The following PPP2R2B variants were observed in gnomAD, a reference collection of about 807,000 sequenced individuals.
PPP2R2B encodes the protein serine/threonine-protein phosphatase 2A 55 kDa regulatory subunit B beta isoform.
A neutral mutation model predicts 46.0 loss-of-function variants in PPP2R2B; 5 were observed. The observed-to-expected ratio is 0.11, with a 90% confidence interval of 0.06 to 0.23. PPP2R2B has a LOEUF of 0.23. Ranked by LOEUF, PPP2R2B falls within the 10% of genes least tolerant of loss-of-function variation. The pLI is 1.00. For missense variants in PPP2R2B, 367 were observed against 575.0 expected (o/e 0.64, Z 3.70); for synonymous variants, 215 against 206.7 (o/e 1.04, Z -0.34).
intron 1 of PPP2R2B, among the ~76,000 whole-genome samples, chr5:147,015,423 T>C (rs1192984632): frequency 6.6e-6 from 1 of 151,666 alleles, no homozygotes; most frequent in Non-Finnish European, 1.5e-5. Context: ...TGCTTTGCTT[T>C]GTGCGTGCTG....
chr5:146,638,423 AG>A lies in PPP2R2B; in HGVS notation c.626-9del. ...GCTTAATGTCCACAATATCTGGCAC[AG>A]ACGAGTCAAGGAAGGAACCAGGAGA... On this transcript the variant is annotated splice_polypyrimidine_tract_variant and intron_variant, in intron 6 of 9. Coordinates refer to ENST00000394411, the MANE Select transcript of PPP2R2B (RefSeq NM_181675.4). 2.5e-6 allele frequency: 4 copies of A among 1,583,286 alleles called. No homozygotes were observed. Among genetic ancestry groups the A allele is most frequent in the Non-Finnish European group, 3.5e-6 (4 of 1,157,242 alleles).
chr5:146,623,738 G>A (rs535301790), intron 7 of PPP2R2B, among the ~76,000 whole-genome samples: 113 of 152,250 alleles, frequency 7.4e-4, no homozygotes, highest in South Asian at 2.1e-3. Context: ...TATGAGCTTC[G>A]TGGGGATAGC....
chr5:146,629,118 T>C (rs1774251359), intron 7 of PPP2R2B, among the ~76,000 whole-genome samples: 1 of 152,178 alleles, frequency 6.6e-6, no homozygotes, highest in African/African-American at 2.4e-5. Context: ...TCGTGATTCC[T>C]AAATTTATAC....
chr5:146,976,269 C>T (rs1488516893), intron 1 of PPP2R2B, among the ~76,000 whole-genome samples: 1 of 151,856 alleles, frequency 6.6e-6, no homozygotes, highest in Non-Finnish European at 1.5e-5. Context: ...TCCCGGGTAG[C>T]TGGGACTACA....
At chr5:146,670,443 C>T (rs1032362154) in intron 5 of PPP2R2B, among the ~76,000 whole-genome samples, 2 of 147,550 alleles carry the variant, frequency 1.4e-5, no homozygotes, top group Non-Finnish European at 3.0e-5. Flanking sequence ...TTTTAGTACC[C>T]CTTCAGATTT....
At chr5:146,830,857 C>T (rs1758882845) in intron 2 of PPP2R2B, among the ~76,000 whole-genome samples, 1 of 152,126 alleles carries the variant, frequency 6.6e-6, no homozygotes, top group Non-Finnish European at 1.5e-5. Flanking sequence ...GATTGTGGTA[C>T]AATTATGTAC....
chr5:146,907,881 T>G (rs1763053083), intron 1 of PPP2R2B, among the ~76,000 whole-genome samples: 2 of 152,282 alleles, frequency 1.3e-5, no homozygotes, highest in Admixed American at 1.3e-4. Flanking sequence ...TATGCAGTGG[T>G]TTGTTAGTCT....
At chr5:146,690,244 C>T (rs559153948) in intron 5 of PPP2R2B, among the ~76,000 whole-genome samples, 1 of 152,300 alleles carries the variant, frequency 6.6e-6, no homozygotes, top group Admixed American at 6.5e-5. Flanking sequence ...TGAACATGTT[C>T]ATAACTGAGC....
intron 1 of PPP2R2B, among the ~76,000 whole-genome samples, chr5:147,050,640 C>T (rs1182650033): frequency 1.3e-5 from 2 of 149,732 alleles, no homozygotes; most frequent in Admixed American, 6.7e-5. Flanking sequence ...ATGAGGATAA[C>T]AGTGTTGACC....
At chr5:147,008,165 T>G (rs1754536742) in intron 1 of PPP2R2B, among the ~76,000 whole-genome samples, 1 of 152,148 alleles carries the variant, frequency 6.6e-6, no homozygotes, top group Admixed American at 6.5e-5. Flanking sequence ...GAGAATGACA[T>G]TCATTGGATC....
At chr5:147,008,011 C>G (rs1754527964) in intron 1 of PPP2R2B, among the ~76,000 whole-genome samples, 1 of 152,174 alleles carries the variant, frequency 6.6e-6, no homozygotes, top group Non-Finnish European at 1.5e-5. Context: ...AAACTAAACT[C>G]TTTAGAAAAG....
chr5:146,826,932 G>A (rs1406695011), intron 2 of PPP2R2B, among the ~76,000 whole-genome samples: 4 of 151,998 alleles, frequency 2.6e-5, no homozygotes, highest in East Asian at 1.9e-4. Context: ...TTGGCTTTTC[G>A]AATCTATACC....
At chr5:146,635,049 G>T (rs548434420) in intron 7 of PPP2R2B, among the ~76,000 whole-genome samples, 1 of 152,164 alleles carries the variant, frequency 6.6e-6, no homozygotes. Flanking sequence ...AACTGCTGCC[G>T]TCATTTATTG....
upstream of PPP2R2B, among the ~76,000 whole-genome samples, chr5:146,879,982 G>A (rs911758911): frequency 4.6e-5 from 7 of 152,202 alleles, no homozygotes; most frequent in Middle Eastern, 0.01. Flanking sequence ...ACAATGCTTC[G>A]GCTAACACAA....
intron 2 of PPP2R2B, among the ~76,000 whole-genome samples, chr5:146,786,673 AT>A (rs1379305244): frequency 1.3e-5 from 2 of 152,118 alleles, no homozygotes; most frequent in African/African-American, 4.8e-5. Flanking sequence ...TCTTGGTATC[AT>A]TTGGAAAGAG....
chr5:146,756,035 A>G (rs910902064), intron 2 of PPP2R2B, among the ~76,000 whole-genome samples: 8 of 152,158 alleles, frequency 5.3e-5, no homozygotes, highest in Non-Finnish European at 8.8e-5. Context: ...CTGACCCTGG[A>G]TTTTGGAAAT....
chr5:146,815,629 T>C (rs1757885050), intron 2 of PPP2R2B, among the ~76,000 whole-genome samples: 1 of 152,238 alleles, frequency 6.6e-6, no homozygotes, highest in South Asian at 2.1e-4. Flanking sequence ...TCAAATTGTT[T>C]AGAAGGGTTG....
chr5:146,812,992 G>A (rs1379328889), intron 2 of PPP2R2B, among the ~76,000 whole-genome samples: 1 of 149,084 alleles, frequency 6.7e-6, no homozygotes, highest in African/African-American at 2.5e-5. Context: ...AGATTTGGGT[G>A]GGGACACAGC....
Position 146,748,870 on chromosome 5 carries a change from T to G in PPP2R2B, c.71-47728A>C, listed in dbSNP as rs190463843. On this transcript the variant is annotated intron_variant, in intron 2 of 9. Transcript: ENST00000394411. ...GTACAGGTTTGTATATAGGTTTTTGTGTGCACATACATTTTTTTTATTTTT... is the reference window on the plus strand; with the variant it reads ...GTACAGGTTTGTATATAGGTTTTTGGGTGCACATACATTTTTTTTATTTTT... Among the ~76,000 whole-genome samples, 680 of 152,346 alleles carry G rather than the reference T, an allele frequency of 4.5e-3. 5 individuals are homozygous for G. Among genetic ancestry groups the G allele is most frequent in the Non-Finnish European group, 4.6e-3 (312 of 68,024 alleles).
Sources: gnomAD v4.1 joint callset for allele counts (sites outside exome capture counted in the v4.1 genomes callset) on GRCh38, gnomAD v4.1.1 for gene constraint, MANE v1.5 for transcripts, NCBI Gene and HGNC (gene_info 2026-07-23, HGNC 2026-07-21) for gene names.